Variants in SIL1 observed in about 807,000 individuals in gnomAD.
SIL1 encodes the protein SIL1 nucleotide exchange factor.
In SIL1, 40 loss-of-function variants were observed where a neutral mutation model predicts 49.1. That is an observed-to-expected ratio of 0.81 (90% CI 0.63 to 1.06). The LOEUF (loss-of-function observed/expected upper bound fraction) is 1.06. Ranked by LOEUF, SIL1 falls within the 50% of genes least tolerant of loss-of-function variation. SIL1 has a pLI of 0.00. For synonymous variants in SIL1, 253 were observed against 250.8 expected, an observed-to-expected ratio of 1.01 and a Z score of -0.08; for missense variants, 500 against 572.6, an observed-to-expected ratio of 0.87 and a Z score of 1.29.
At chr5:139,122,061 G>A (rs1306483341) in intron 2 of SIL1, among the ~76,000 whole-genome samples, 1 of 152,230 alleles carries the variant, frequency 6.6e-6, no homozygotes, top group East Asian at 1.9e-4. Context: ...AAACAAGGAG[G>A]AACCCACATT....
chr5:139,105,436 A>G (rs539495097), intron 3 of SIL1, among the ~76,000 whole-genome samples: 8 of 152,272 alleles, frequency 5.3e-5, no homozygotes, highest in South Asian at 2.1e-4. Context: ...CTATAAATCA[A>G]TCCCTCACTG....
intron 7 of SIL1, among the ~76,000 whole-genome samples, chr5:138,954,097 C>T (rs1279806510): frequency 2.0e-5 from 3 of 152,176 alleles, no homozygotes; most frequent in East Asian, 1.9e-4. Flanking sequence ...TGATGTGGGT[C>T]GGGAGCCACC....
At chr5:139,093,518 T>C (rs1392706979) in intron 3 of SIL1, among the ~76,000 whole-genome samples, 1 of 152,018 alleles carries the variant, frequency 6.6e-6, no homozygotes, top group East Asian at 1.9e-4. Context: ...ACCCTGGCCA[T>C]TGCGCTGAGG....
At chr5:139,181,698 GCCAGAGT>G (rs1751986526) in intron 1 of SIL1, among the ~76,000 whole-genome samples, 1 of 152,122 alleles carries the variant, frequency 6.6e-6, no homozygotes, top group East Asian at 1.9e-4. Flanking sequence ...TATAGGACCC[GCCAGAGT>G]CCAGGATAGA....
Position 139,175,253 on chromosome 5 carries a change from C to T in SIL1, c.-11+23016G>A, listed in dbSNP as rs147853101. Among the ~76,000 whole-genome samples, 316 of 151,926 alleles carry T rather than the reference C, an allele frequency of 2.1e-3. 2 individuals are homozygous for T. Among genetic ancestry groups the T allele is most frequent in the Middle Eastern group, 0.014 (4 of 294 alleles). On this transcript the variant is annotated intron_variant, in intron 1 of 9. Coordinates refer to ENST00000394817, the MANE Select transcript of SIL1 (RefSeq NM_022464.5). ...AGGAGAATTGCTTGAAGCCGGGAGG[C>T]GGAGGTTGCAGTGAGCAAGATCGCA...
intron 1 of SIL1, among the ~76,000 whole-genome samples, chr5:139,173,967 A>G (rs1385103582): frequency 2.0e-5 from 3 of 151,404 alleles, no homozygotes; most frequent in Admixed American, 6.6e-5. Flanking sequence ...TCAAAAAATA[A>G]AAGAAAAAAA....
chr5:139,002,749 T>C (rs1768015017), intron 7 of SIL1, among the ~76,000 whole-genome samples: 1 of 152,220 alleles, frequency 6.6e-6, no homozygotes, highest in African/African-American at 2.4e-5. Flanking sequence ...CTGTTTGATA[T>C]TTCTTCTGAT....
intron 3 of SIL1, among the ~76,000 whole-genome samples, chr5:139,101,936 A>G (rs1244803086): frequency 6.6e-6 from 1 of 152,228 alleles, no homozygotes; most frequent in East Asian, 1.9e-4. Context: ...ATGTTAGTGC[A>G]GAGAGATACT....
intron 4 of SIL1, among the ~76,000 whole-genome samples, chr5:139,048,721 A>T (rs765950519): frequency 9.9e-5 from 15 of 152,230 alleles, no homozygotes; most frequent in Non-Finnish European, 1.9e-4. Flanking sequence ...TTCTTCAGAA[A>T]ATAAGACTTG....
At chr5:139,151,100 A>G (rs1337155934) in intron 1 of SIL1, among the ~76,000 whole-genome samples, 1 of 152,208 alleles carries the variant, frequency 6.6e-6, no homozygotes, top group African/African-American at 2.4e-5. Context: ...AAGAAGAAGG[A>G]GAGATCTGAC....
At chr5:139,086,268 C>CT (rs1770217175) in intron 3 of SIL1, among the ~76,000 whole-genome samples, 1 of 102,530 alleles carries the variant, frequency 9.8e-6, no homozygotes, top group Admixed American at 1.0e-4. Context: ...GTGAGACCGT[C>CT]TTAAAAAAAA....
intron 7 of SIL1, among the ~76,000 whole-genome samples, chr5:139,011,910 G>A (rs1410454316): frequency 1.3e-5 from 2 of 152,118 alleles, no homozygotes; most frequent in Admixed American, 6.5e-5. Flanking sequence ...ACAGAGAATG[G>A]TATAATAATC....
intron 7 of SIL1, among the ~76,000 whole-genome samples, chr5:138,975,484 A>G (rs887237322): frequency 6.6e-6 from 1 of 152,160 alleles, no homozygotes; most frequent in Non-Finnish European, 1.5e-5. Flanking sequence ...CTGTCCCTGC[A>G]TGTGTGGGGT....
intron 3 of SIL1, among the ~76,000 whole-genome samples, chr5:139,067,691 G>A (rs2150470167): frequency 6.6e-6 from 1 of 152,332 alleles, no homozygotes; most frequent in Admixed American, 6.5e-5. Flanking sequence ...ATACCTTGAA[G>A]AGCCTCTGGG....
At position 139,017,510 on chromosome 5, in the gene SIL1, T is replaced by C. The variant is rs541215687; in HGVS notation, c.767+3661A>G. 7.2e-5 allele frequency among the ~76,000 whole-genome samples: 11 copies of C among 152,138 alleles called. No individual in the cohort carries two copies. In the East Asian group the frequency reaches 1.4e-3, roughly 19 times the overall value. On this transcript the variant is annotated intron_variant, in intron 7 of 9. Transcript: ENST00000394817. ...ATGCTTATAAGCCCATGTAATTGCA[T>C]AGTAATTCATACATGTGCAGATGAG...
chr5:139,192,450 C>T (rs904755035), intron 1 of SIL1, among the ~76,000 whole-genome samples: 2 of 152,138 alleles, frequency 1.3e-5, no homozygotes, highest in Non-Finnish European at 2.9e-5. Context: ...TCAAGAACTT[C>T]CTCAGTCACA....
chr5:139,196,812 T>C (rs1159373958), intron 1 of SIL1, among the ~76,000 whole-genome samples: 2 of 152,178 alleles, frequency 1.3e-5, no homozygotes, highest in Non-Finnish European at 2.9e-5. Flanking sequence ...ACCCATGTTA[T>C]ACAAATATCA....
intron 1 of SIL1, among the ~76,000 whole-genome samples, chr5:139,144,751 G>GT (rs1382646685): frequency 6.6e-6 from 1 of 151,930 alleles, no homozygotes; most frequent in East Asian, 1.9e-4. Context: ...GGCACCTTTA[G>GT]TCCCAGCTAC....
intron 1 of SIL1, among the ~76,000 whole-genome samples, chr5:139,155,051 C>T (rs977788981): frequency 6.6e-6 from 1 of 152,138 alleles, no homozygotes; most frequent in African/African-American, 2.4e-5. Flanking sequence ...GGGATACGTA[C>T]CTTTTGGCTG....
Sources: gnomAD v4.1 joint callset for allele counts (sites outside exome capture counted in the v4.1 genomes callset) on GRCh38, gnomAD v4.1.1 for gene constraint, MANE v1.5 for transcripts, NCBI Gene and HGNC (gene_info 2026-07-23, HGNC 2026-07-21) for gene names.